The following STAG1 variants were observed in gnomAD, a reference collection of about 807,000 sequenced individuals.
STAG1 encodes STAG1 cohesin complex component, also known as cohesin subunit SA-1.
A neutral mutation model predicts 170.9 loss-of-function variants in STAG1; 26 were observed. That is an observed-to-expected ratio of 0.15 (90% CI 0.11 to 0.21). The LOEUF (loss-of-function observed/expected upper bound fraction) is 0.21, where lower values mean the gene tolerates loss of function less well. Among genes scored for constraint, STAG1 ranks in the 10% least tolerant of loss-of-function variants. The pLI is 1.00. For synonymous variants in STAG1, 514 were observed against 497.7 expected (o/e 1.03, Z -0.44); for missense variants, 964 against 1,509.5 (o/e 0.64, Z 5.99).
At chr3:136,699,052 G>A (rs1416930192) in intron 1 of STAG1, among the ~76,000 whole-genome samples, 2 of 152,120 alleles carry the variant, frequency 1.3e-5, no homozygotes, top group African/African-American at 4.8e-5. Flanking sequence ...ATGAACTTTG[G>A]GGATTTGGGC....
intron 1 of STAG1, among the ~76,000 whole-genome samples, chr3:136,669,926 T>G (rs187383839): frequency 4.8e-4 from 73 of 152,310 alleles, no homozygotes; most frequent in Admixed American, 4.0e-3. Context: ...TTAAAGAATA[T>G]TCAACTAATT....
At position 136,677,348 on chromosome 3, in the gene STAG1, G is replaced by A. The variant is rs573735276; in HGVS notation, c.-83-46367C>T. On this transcript the variant is annotated intron_variant, in intron 1 of 33. Transcript: ENST00000383202. ...GGACTAAAATATTACTAGGCCATAG[G>A]AATTTTTCAGCTCCATGATCATCTT... is the stretch of plus-strand genomic sequence containing the variant. 1.1e-4 allele frequency among the ~76,000 whole-genome samples: 17 copies of A among 152,174 alleles called. No homozygotes were observed. In the East Asian group the frequency reaches 3.1e-3, roughly 28 times the overall value.
intron 25 of STAG1, among the ~76,000 whole-genome samples, chr3:136,364,773 A>G (rs1188979614): frequency 6.6e-6 from 1 of 152,242 alleles, no homozygotes; most frequent in Non-Finnish European, 1.5e-5. Context: ...ATTGTTTCCA[A>G]GCTAAAGTCT....
At chr3:136,427,848 C>A (rs1057512245) in intron 16 of STAG1, among the ~76,000 whole-genome samples, 10 of 152,010 alleles carry the variant, frequency 6.6e-5, no homozygotes, top group Non-Finnish European at 2.9e-5. Flanking sequence ...ATAATAACAA[C>A]TTAAAGCCAA....
intron 3 of STAG1, among the ~76,000 whole-genome samples, chr3:136,622,150 A>AG (rs1384559817): frequency 6.7e-6 from 1 of 150,252 alleles, no homozygotes; most frequent in Non-Finnish European, 1.5e-5. Context: ...AAAAAAAAAA[A>AG]AAAAAAAAGA....
In STAG1 at chr3:136,443,336, C is replaced by G; in HGVS notation, c.1497G>C (p.Trp499Cys). 2 of 1,613,854 alleles carry G rather than the reference C, an allele frequency of 1.2e-6. No homozygotes were observed. The highest frequency in any genetic ancestry group is 1.7e-6 in the Non-Finnish European group (2 of 1,179,920). The change falls in exon 15 of 34, where the codon TGG becomes TGC. Residue 499 changes from tryptophan to cysteine, a missense_variant. Physicochemically the swap from Trp to Cys is radical, Grantham distance 215 (BLOSUM62 -2). This residue lies in a region of STAG1 where 162 missense variants were observed against 211.2 expected (regional missense o/e 0.77). Transcript: ENST00000383202. ...CTAATAGCAACTCTGTCATACATTC[C>G]CAGTCTTTCAACAGTTCTTGAGAGC... ...WESSQELLKD[W>C]ECMTELLLEE...
chr3:136,467,402 G>C (rs2089494859), intron 12 of STAG1, among the ~76,000 whole-genome samples: 1 of 152,092 alleles, frequency 6.6e-6, no homozygotes, highest in Non-Finnish European at 1.5e-5. Context: ...AAGACAGAAA[G>C]AGACAAAGAA....
chr3:136,724,789 T>C (rs1437668880), intron 1 of STAG1, among the ~76,000 whole-genome samples: 1 of 152,130 alleles, frequency 6.6e-6, no homozygotes, highest in African/African-American at 2.4e-5. Flanking sequence ...TGAACATATT[T>C]TGAGAGGTAA....
At chr3:136,462,812 T>C (rs931945323) in intron 13 of STAG1, among the ~76,000 whole-genome samples, 1 of 152,118 alleles carries the variant, frequency 6.6e-6, no homozygotes, top group Non-Finnish European at 1.5e-5. Flanking sequence ...TTTAAAAGTA[T>C]AAAAAATTTA....
intron 1 of STAG1, among the ~76,000 whole-genome samples, chr3:136,648,926 A>T (rs1436204950): frequency 6.6e-6 from 1 of 152,210 alleles, no homozygotes; most frequent in Non-Finnish European, 1.5e-5. Flanking sequence ...CTCCCTATTT[A>T]AAATCTTTCA....
At chr3:136,461,830 G>A (rs2089283482) in intron 13 of STAG1, among the ~76,000 whole-genome samples, 2 of 152,012 alleles carry the variant, frequency 1.3e-5, no homozygotes. Context: ...AATATATAAG[G>A]TACTCAAACA....
At chr3:136,410,245 C>T (rs1377907473) in intron 21 of STAG1, among the ~76,000 whole-genome samples, 2 of 151,616 alleles carry the variant, frequency 1.3e-5, no homozygotes, top group Admixed American at 6.6e-5. Flanking sequence ...ACTAAAAATA[C>T]AAAAATTATC....
intron 16 of STAG1, among the ~76,000 whole-genome samples, chr3:136,429,388 C>G (rs549640783): frequency 6.6e-6 from 1 of 152,200 alleles, no homozygotes; most frequent in Non-Finnish European, 1.5e-5. Context: ...GCCTGGATGA[C>G]AAGAGCGAAA....
intron 26 of STAG1, among the ~76,000 whole-genome samples, chr3:136,362,216 C>G (rs371553430): frequency 6.6e-6 from 1 of 151,892 alleles, no homozygotes. Context: ...GCCTCGGCCT[C>G]CCAAAGTGCT....
At chr3:136,473,330 A>G (rs2089670923) in intron 11 of STAG1, among the ~76,000 whole-genome samples, 1 of 152,158 alleles carries the variant, frequency 6.6e-6, no homozygotes, top group Non-Finnish European at 1.5e-5. Context: ...ATGCACTTGA[A>G]TCATCCCGAA....
chr3:136,426,009 T>G (rs1457316852), intron 16 of STAG1, among the ~76,000 whole-genome samples: 2 of 151,460 alleles, frequency 1.3e-5, no homozygotes, highest in African/African-American at 4.8e-5. Context: ...CCTTGTACAT[T>G]TGTCCCTTGA....
intron 5 of STAG1, among the ~76,000 whole-genome samples, chr3:136,561,649 A>G (rs1936844454): frequency 6.6e-6 from 1 of 152,180 alleles, no homozygotes; most frequent in Admixed American, 6.5e-5. Context: ...ATTTTGAATA[A>G]CATCATTTTA....
chr3:136,568,571 T>TA (rs1247989141), intron 5 of STAG1, among the ~76,000 whole-genome samples, 194 bp downstream of exon 5: 1 of 152,150 alleles, frequency 6.6e-6, no homozygotes, highest in Middle Eastern at 3.2e-3. Context: ...TATTACTTTA[T>TA]AGGAGCAAAA....
intron 1 of STAG1, among the ~76,000 whole-genome samples, chr3:136,687,776 G>A (rs569970004): frequency 9.5e-5 from 14 of 147,574 alleles, no homozygotes; most frequent in Admixed American, 4.8e-4. Flanking sequence ...TCCCTTTGTC[G>A]CCCAGGCTAG....
Sources: allele counts gnomAD v4.1 joint callset (sites outside exome capture counted in the v4.1 genomes callset), GRCh38; gene constraint gnomAD v4.1.1; regional missense constraint gnomAD v4.1.1; transcripts MANE v1.5; gene names NCBI Gene and HGNC (gene_info 2026-07-23, HGNC 2026-07-21).